Variants in ANKS1B observed in about 807,000 individuals in gnomAD.
The protein encoded by ANKS1B is ankyrin repeat and sterile alpha motif domain-containing protein 1B.
Under a neutral mutation model 148.3 loss-of-function variants are expected in ANKS1B, and 36 were observed. That is an observed-to-expected ratio of 0.24 (90% confidence interval 0.19 to 0.32). The LOEUF (loss-of-function observed/expected upper bound fraction) is 0.32, where lower values mean the gene tolerates loss of function less well. ANKS1B is among the 10% of genes least tolerant of loss of function. The pLI is 1.00. For synonymous variants in ANKS1B, 542 were observed against 560.8 expected (o/e 0.97, Z 0.47); for missense variants, 1,157 against 1,542.6 (o/e 0.75, Z 4.19).
chr12:99,453,839 A>C (rs1343717212), intron 10 of ANKS1B, among the ~76,000 whole-genome samples: 5 of 152,244 alleles, frequency 3.3e-5, no homozygotes, highest in Non-Finnish European at 7.3e-5. Flanking sequence ...AGAAGGGCAA[A>C]TATAATTACA....
At chr12:99,423,495 A>C (rs2095158287) in intron 11 of ANKS1B, among the ~76,000 whole-genome samples, 1 of 152,154 alleles carries the variant, frequency 6.6e-6, no homozygotes, top group South Asian at 2.1e-4. Context: ...TATGTACCCA[A>C]AAGAATATAA....
At chr12:98,965,159 T>C (rs948774096) in intron 17 of ANKS1B, among the ~76,000 whole-genome samples, 2 of 152,188 alleles carry the variant, frequency 1.3e-5, no homozygotes, top group Non-Finnish European at 2.9e-5. Context: ...AAATAATATT[T>C]ATTGAGAGCC....
At chr12:99,856,986 C>T (rs991147047) in intron 1 of ANKS1B, among the ~76,000 whole-genome samples, 4 of 152,086 alleles carry the variant, frequency 2.6e-5, no homozygotes, top group Non-Finnish European at 5.9e-5. Context: ...GACAAGGATG[C>T]CCACTCTCAA....
At chr12:99,078,902 CTG>C (rs1428769061) in intron 16 of ANKS1B, among the ~76,000 whole-genome samples, 1 of 152,186 alleles carries the variant, frequency 6.6e-6, no homozygotes, top group Non-Finnish European at 1.5e-5. Flanking sequence ...TAGCAAAAGA[CTG>C]TGACTTCCAT....
chr12:99,953,320 G>A (rs2095259638), intron 1 of ANKS1B, among the ~76,000 whole-genome samples: 1 of 152,200 alleles, frequency 6.6e-6, no homozygotes, highest in South Asian at 2.1e-4. Flanking sequence ...GATATCAAAT[G>A]CTGCTGAGAA....
chr12:99,442,668 C>A (rs1466062693), intron 11 of ANKS1B, among the ~76,000 whole-genome samples: 3 of 151,610 alleles, frequency 2.0e-5, no homozygotes, highest in African/African-American at 4.8e-5. Flanking sequence ...CAGTGGCTAT[C>A]CAAAATTTAA....
chr12:99,301,613 G>A (rs1483840046), intron 12 of ANKS1B, among the ~76,000 whole-genome samples: 6 of 151,938 alleles, frequency 3.9e-5, no homozygotes, highest in Non-Finnish European at 5.9e-5. Context: ...CTCATTCACT[G>A]GTTCATTCAA....
At chr12:99,911,447 T>C (rs937282714) in intron 1 of ANKS1B, among the ~76,000 whole-genome samples, 4 of 152,318 alleles carry the variant, frequency 2.6e-5, no homozygotes, top group African/African-American at 4.8e-5. Flanking sequence ...AAAACTTACT[T>C]AAAAATCTGA....
At chr12:99,010,712 A>G (rs1048960290) in intron 17 of ANKS1B, among the ~76,000 whole-genome samples, 1 of 151,654 alleles carries the variant, frequency 6.6e-6, no homozygotes, top group Non-Finnish European at 1.5e-5. Context: ...CAAATGGTAC[A>G]GGCAGATTAA....
intron 4 of ANKS1B, among the ~76,000 whole-genome samples, chr12:99,786,016 A>T (rs2153638116): frequency 6.6e-6 from 1 of 152,342 alleles, no homozygotes; most frequent in South Asian, 2.1e-4. Flanking sequence ...GTGGGGCATG[A>T]ACATTTTATT....
intron 9 of ANKS1B, among the ~76,000 whole-genome samples, chr12:99,591,153 G>T (rs908340740): frequency 4.6e-5 from 7 of 151,988 alleles, no homozygotes; most frequent in Admixed American, 2.0e-4. Flanking sequence ...CTTATTATCT[G>T]GTGGCTAGTT....
At chr12:99,028,381 A>G (rs1568436391) in intron 17 of ANKS1B, among the ~76,000 whole-genome samples, 2 of 152,186 alleles carry the variant, frequency 1.3e-5, no homozygotes, top group Admixed American at 1.3e-4. Flanking sequence ...TTAGGGAGTA[A>G]AAGTATGGGG....
At chr12:99,802,548 A>T (rs1324886019) in intron 4 of ANKS1B, among the ~76,000 whole-genome samples, 34 of 152,222 alleles carry the variant, frequency 2.2e-4, no homozygotes, top group Non-Finnish European at 1.5e-5. Flanking sequence ...GTTATAATTT[A>T]AAATTACTCA....
At chr12:99,034,078 G>A (rs559385916) in intron 17 of ANKS1B, among the ~76,000 whole-genome samples, 1 of 152,204 alleles carries the variant, frequency 6.6e-6, no homozygotes, top group African/African-American at 2.4e-5. Context: ...AATTAGCAGC[G>A]CTTGTTAGAG....
chr12:99,594,228 G>A (rs888816324), intron 9 of ANKS1B, among the ~76,000 whole-genome samples: 4 of 152,004 alleles, frequency 2.6e-5, no homozygotes, highest in African/African-American at 9.7e-5. Flanking sequence ...CTGAGGATGA[G>A]GAGAAATTGG....
At chr12:99,094,245 T>TA (rs2055126651) in intron 15 of ANKS1B, among the ~76,000 whole-genome samples, 1 of 152,200 alleles carries the variant, frequency 6.6e-6, no homozygotes, top group South Asian at 2.1e-4. Flanking sequence ...AATAAAAAAA[T>TA]AGATAAATAA....
At chr12:99,838,221 G>A (rs1404385304) in intron 1 of ANKS1B, among the ~76,000 whole-genome samples, 2 of 152,216 alleles carry the variant, frequency 1.3e-5, no homozygotes, top group East Asian at 3.9e-4. Context: ...ATTGTCAATA[G>A]TGCAATAAAC....
chr12:98,736,894 C>A (rs745790709), intron 9 of ANKS1B, among the ~76,000 whole-genome samples: 3 of 152,184 alleles, frequency 2.0e-5, no homozygotes, highest in Non-Finnish European at 2.9e-5. Flanking sequence ...ATGCCAAGCA[C>A]TGTTTTAAGC....
At chr12:99,136,914 C>T (rs2068285183) in intron 15 of ANKS1B, among the ~76,000 whole-genome samples, 1 of 152,102 alleles carries the variant, frequency 6.6e-6, no homozygotes, top group African/African-American at 2.4e-5. Context: ...ATCATTGTTC[C>T]TGTGTCTATG....
Sources: allele counts gnomAD v4.1 joint callset (sites outside exome capture counted in the v4.1 genomes callset), GRCh38; gene constraint gnomAD v4.1.1; transcripts MANE v1.5; gene names NCBI Gene and HGNC (gene_info 2026-07-23, HGNC 2026-07-21).